The following KIF25 variants were observed in gnomAD, a reference collection of about 807,000 sequenced individuals.
KIF25 encodes the protein kinesin-like protein KIF25.
KIF25 carries 19 observed loss-of-function variants against 32.9 expected under a neutral mutation model. That is an observed-to-expected ratio of 0.58 (90% confidence interval 0.40 to 0.85). The LOEUF (loss-of-function observed/expected upper bound fraction) is 0.85. Ranked by LOEUF, KIF25 falls within the 40% of genes least tolerant of loss-of-function variation. KIF25 has a pLI of 0.00. For missense variants in KIF25, 485 were observed against 507.0 expected (o/e 0.96, Z 0.42); for synonymous variants, 225 against 213.7 (o/e 1.05, Z -0.46).
Position 168,042,735 on chromosome 6 carries a change from A to ATGCCCCAGGATGGGGGACCACG in KIF25, c.985+21_985+42dup, listed in dbSNP as rs758690911. The ATGCCCCAGGATGGGGGACCACG allele has an allele frequency of 6.3e-7, 1 of 1,599,278 alleles. No individual in the cohort carries two copies. The highest frequency in any genetic ancestry group is 1.3e-5 in the African/African-American group (1 of 74,736). Reference sequence around the variant, plus strand: ...TGCCTCGGTAACCGTTTTCCCCAAAATGCCCCAGGATGGGGGACCACGTAC... The same window carrying ATGCCCCAGGATGGGGGACCACG: ...TGCCTCGGTAACCGTTTTCCCCAAAATGCCCCAGGATGGGGGACCACGTGCCCCAGGATGGGGGACCACGTAC... On this transcript the variant is annotated intron_variant, in intron 12 of 12. Transcript: ENST00000643607.
In KIF25 at chr6:168,041,327, C is replaced by T. The variant is rs564852628; in HGVS notation, c.647-642C>T. On this transcript the variant is annotated intron_variant, in intron 10 of 12. Transcript: ENST00000643607. Reference sequence around the variant, plus strand: ...CCAGAGTGGGCCACAGCTGGGCACACGGCCTTGTACCGCAGGGGCTGGAAA... The same window carrying T: ...CCAGAGTGGGCCACAGCTGGGCACATGGCCTTGTACCGCAGGGGCTGGAAA... Among the ~76,000 whole-genome samples, 58 of 152,330 alleles carry T rather than the reference C, an allele frequency of 3.8e-4. 1 individual carries two copies. Among genetic ancestry groups the T allele is most frequent in the African/African-American group, 1.3e-3 (54 of 41,576 alleles).
intron 12 of KIF25, 29 bp downstream of exon 12, chr6:168,042,745 A>C: frequency 6.3e-7 from 1 of 1,594,344 alleles, no homozygotes; most frequent in East Asian, 2.2e-5. Flanking sequence ...ATGCCCCAGG[A>C]TGGGGGACCA....
chr6:168,013,721 C>T (rs995377845), intron 4 of KIF25, among the ~76,000 whole-genome samples: 1 of 141,124 alleles, frequency 7.1e-6, no homozygotes. Flanking sequence ...CCTTTCCCTG[C>T]AAGGGGAAGT....
chr6:168,038,775 G>A, intron 9 of KIF25, 46 bp downstream of exon 9: 1 of 1,584,210 alleles, frequency 6.3e-7, no homozygotes, highest in Non-Finnish European at 8.6e-7. Context: ...GAGTGAGAAT[G>A]GCACCTGCCC....
intron 8 of KIF25, chr6:168,036,071 A>T (rs879527013): frequency 4.6e-6 from 1 of 218,374 alleles, no homozygotes; most frequent in Non-Finnish European, 9.6e-6. Flanking sequence ...CCTGAAAAGG[A>T]CTACTCTTAG....
In KIF25 at chr6:168,044,824, A is replaced by G; in HGVS notation, c.986-3A>G. The G allele has an allele frequency of 6.3e-7, 1 of 1,576,776 alleles. No individual in the cohort carries two copies. Among genetic ancestry groups the G allele is most frequent in the Non-Finnish European group, 8.6e-7 (1 of 1,158,888 alleles). On this transcript the variant is annotated splice_polypyrimidine_tract_variant and splice_region_variant and intron_variant, in intron 12 of 12. Coordinates refer to ENST00000643607, the MANE Select transcript of KIF25 (RefSeq NM_030615.4). ...GCTTGCATGTTGTTTTTCTATTTTA[A>G]AGGAGGCGATGCGAAGTTACTGGTG...
At chr6:168,022,253 A>C (rs2114887308) in intron 5 of KIF25, among the ~76,000 whole-genome samples, 1 of 152,242 alleles carries the variant, frequency 6.6e-6, no homozygotes, top group South Asian at 2.1e-4. Flanking sequence ...TTCCTGTGAC[A>C]ATCTTTTAAT....
In KIF25 at chr6:167,998,667, C is replaced by T. The variant is rs1798455400; in HGVS notation, c.-802C>T. On this transcript the variant is annotated 5_prime_UTR_variant, in exon 1 of 13. Transcript: ENST00000643607. ...GCCTAAAATGTCGAGCCCAGGATGC[C>T]ATTCAAAGGGATTTTCCTTGGTACT... 6.6e-6 allele frequency: 1 copy of T among 152,170 alleles called. No homozygotes were observed. Among genetic ancestry groups the T allele is most frequent in the African/African-American group, 2.4e-5 (1 of 41,438 alleles). The allele number at this position is 152,170 out of a possible 1,614,324, so 9.4% of individuals were successfully genotyped here.
chr6:168,031,559 C>CCACG (rs1178668012), intron 7 of KIF25, among the ~76,000 whole-genome samples: 1 of 152,238 alleles, frequency 6.6e-6, no homozygotes, highest in African/African-American at 2.4e-5. Flanking sequence ...CTGCATCTGA[C>CCACG]CACGCACGCA....
rs756832867 is a variant in KIF25, at chr6:168,042,577, C to G, written c.846C>G (p.Thr282=). The change falls in exon 12 of 13, where the codon ACC becomes ACG. Residue 282 remains threonine, a synonymous_variant. Coordinates refer to ENST00000643607, the MANE Select transcript of KIF25 (RefSeq NM_030615.4). The stretch of plus-strand genomic sequence containing the variant: ...CCTGTCCAGGTGTGTCTGGAGTGAC[C>G]GGGTTGGCCCTGAGGGAGATGGCGT... The part of the protein sequence containing the change: ...GSECVGVSGV[T]GLALREMACI... The G allele has an allele frequency of 6.2e-7, 1 of 1,613,566 alleles. No individual in the cohort carries two copies. The highest frequency in any genetic ancestry group is 8.5e-7 in the Non-Finnish European group (1 of 1,179,864).
intron 8 of KIF25, among the ~76,000 whole-genome samples, chr6:168,035,353 C>CGG (rs1266036975): frequency 1.7e-5 from 2 of 118,452 alleles, no homozygotes; most frequent in African/African-American, 6.2e-5. Context: ...GTACATTCCA[C>CGG]GGCTGCGTTT....
At chr6:168,040,459 G>T (rs2073633) in intron 10 of KIF25, among the ~76,000 whole-genome samples, 1 of 152,014 alleles carries the variant, frequency 6.6e-6, no homozygotes, top group Non-Finnish European at 1.5e-5. Context: ...CCAGCTACTC[G>T]GGAGGCTGAG....
chr6:168,010,197 A>G (rs569938784), intron 4 of KIF25, among the ~76,000 whole-genome samples: 1 of 152,198 alleles, frequency 6.6e-6, no homozygotes, highest in African/African-American at 2.4e-5. Flanking sequence ...ATTTATTGCT[A>G]CAGACTTGGC....
intron 5 of KIF25, among the ~76,000 whole-genome samples, chr6:168,018,543 A>C (rs1019308793): frequency 1.3e-5 from 2 of 152,212 alleles, no homozygotes; most frequent in African/African-American, 4.8e-5. Flanking sequence ...TTAAGTAAAT[A>C]GACATTTTTT....
In KIF25 at chr6:168,042,038, G is replaced by A; in HGVS notation, c.716G>A (p.Arg239Lys). 6.4e-7 allele frequency: 1 copy of A among 1,551,526 alleles called. No individual in the cohort carries two copies. The highest frequency in any genetic ancestry group is 8.7e-7 in the Non-Finnish European group (1 of 1,147,164). The stretch of plus-strand genomic sequence containing the variant: ...GCAGGAAGGGCAGGAAGGAGCCGCA[G>A]AGCTTCTCAAGGGGCCTTGGCTCCA... ...TEAGRAGRSR[R>K]ASQGALAPQL... Residue 239 changes from arginine (R) to lysine (K), a missense_variant, in exon 11 of 13, where the codon AGA becomes AAA. This residue lies in a region of KIF25 where 480 missense variants were observed against 470.3 expected (regional missense o/e 1.02). Coordinates refer to ENST00000643607, the MANE Select transcript of KIF25 (RefSeq NM_030615.4).
intron 5 of KIF25, among the ~76,000 whole-genome samples, chr6:168,023,220 C>T (rs991927381): frequency 6.6e-6 from 1 of 151,922 alleles, no homozygotes; most frequent in Non-Finnish European, 1.5e-5. Context: ...GCCTTCTACC[C>T]AGCCTTTTTC....
intron 5 of KIF25, among the ~76,000 whole-genome samples, chr6:168,028,581 T>A: frequency 7.2e-6 from 1 of 138,996 alleles, no homozygotes; most frequent in East Asian, 2.6e-4. Flanking sequence ...TTCTTTTATT[T>A]TGCCAAAAAA....
Position 168,025,480 on chromosome 6 carries a change from C to T in KIF25, c.-94-4012C>T, listed in dbSNP as rs531423943. 1.4e-4 allele frequency among the ~76,000 whole-genome samples: 22 copies of T among 152,214 alleles called. No homozygotes were observed. The South Asian group carries it at 4.0e-3, about 27-fold the overall frequency. On this transcript the variant is annotated intron_variant, in intron 5 of 12. Coordinates refer to ENST00000643607, the MANE Select transcript of KIF25 (RefSeq NM_030615.4). ...ATTTCATTTAAATTGTGTTTAAAATCGTGGCTTGCTGGATGATGGCTGAAC... is the reference window on the plus strand; with the variant it reads ...ATTTCATTTAAATTGTGTTTAAAATTGTGGCTTGCTGGATGATGGCTGAAC...
chr6:168,020,802 G>A (rs78587281), intron 5 of KIF25, among the ~76,000 whole-genome samples: 2,002 of 152,262 alleles, frequency 0.013, 53 homozygotes, highest in African/African-American at 0.046. Flanking sequence ...AAAAGGGAAA[G>A]AGGATTTAAA....
Sources: gnomAD v4.1 joint callset for allele counts (sites outside exome capture counted in the v4.1 genomes callset) on GRCh38, gnomAD v4.1.1 for gene constraint, gnomAD v4.1.1 regional missense constraint, MANE v1.5 for transcripts, NCBI Gene and HGNC (gene_info 2026-07-23, HGNC 2026-07-21) for gene names.